Variants in KCNQ3 observed in about 807,000 individuals in gnomAD.
The protein encoded by KCNQ3 is potassium voltage-gated channel subfamily Q member 3.
Under a neutral mutation model 92.5 loss-of-function variants are expected in KCNQ3, and 30 were observed. That is an observed-to-expected ratio of 0.32 (90% CI 0.24 to 0.44). The LOEUF (loss-of-function observed/expected upper bound fraction) is 0.44, where lower values mean the gene tolerates loss of function less well. Among genes scored for constraint, KCNQ3 ranks in the 20% least tolerant of loss-of-function variants. The pLI is 1.00. For synonymous variants in KCNQ3, 450 were observed against 468.8 expected, an observed-to-expected ratio of 0.96 and a Z score of 0.52; for missense variants, 913 against 1,140.3, an observed-to-expected ratio of 0.80 and a Z score of 2.87.
At chr8:132,132,124 C>A in intron 14 of KCNQ3, 56 bp downstream of exon 14, 3 of 1,111,182 alleles carry the variant, frequency 2.7e-6, no homozygotes, top group Non-Finnish European at 4.1e-6. Flanking sequence ...AAAGAAATGG[C>A]ATTTGAAAAT....
At position 132,284,488 on chromosome 8, in the gene KCNQ3, A is replaced by ATT. The variant is rs5895136; in HGVS notation, c.387-98309_387-98308dup. On this transcript the variant is annotated intron_variant, in intron 1 of 14. Coordinates refer to ENST00000388996, the MANE Select transcript of KCNQ3 (RefSeq NM_004519.4). ...TCTGTCTGTTTGTGAAACTCTATAG[A>ATT]TTTTTTTTTTATCTACTCTTTGGAT... 2.5e-4 allele frequency among the ~76,000 whole-genome samples: 37 copies of ATT among 150,490 alleles called. 1 individual carries two copies. The highest frequency in any genetic ancestry group is 8.4e-4 in the South Asian group (4 of 4,750).
At chr8:132,404,949 A>G (rs1820438292) in intron 1 of KCNQ3, among the ~76,000 whole-genome samples, 1 of 152,198 alleles carries the variant, frequency 6.6e-6, no homozygotes, top group African/African-American at 2.4e-5. Context: ...GAAGACTCCC[A>G]AGTGACCCAC....
intron 1 of KCNQ3, among the ~76,000 whole-genome samples, chr8:132,435,863 C>G (rs1398735478): frequency 6.6e-6 from 1 of 152,166 alleles, no homozygotes; most frequent in African/African-American, 2.4e-5. Flanking sequence ...GGCTCTCAGC[C>G]TTTATTCACC....
At chr8:132,186,222 C>A in intron 1 of KCNQ3, 41 bp from the exon 2 acceptor site, 1 of 1,463,846 alleles carries the variant, frequency 6.8e-7, no homozygotes, top group South Asian at 1.1e-5. Flanking sequence ...ACCTTTGAGT[C>A]ATGGCTTGCT....
chr8:132,422,600 T>C (rs941530427), intron 1 of KCNQ3, among the ~76,000 whole-genome samples: 2 of 152,040 alleles, frequency 1.3e-5, no homozygotes, highest in Non-Finnish European at 2.9e-5. Flanking sequence ...CTCCAAGAAA[T>C]AAGTTCTCTT....
intron 1 of KCNQ3, among the ~76,000 whole-genome samples, chr8:132,442,742 G>A (rs1821570459): frequency 6.6e-6 from 1 of 152,162 alleles, no homozygotes; most frequent in Non-Finnish European, 1.5e-5. Context: ...ATCCAGGGCA[G>A]AAAAACCACT....
chr8:132,202,575 C>A (rs2130263127), intron 1 of KCNQ3, among the ~76,000 whole-genome samples: 1 of 152,330 alleles, frequency 6.6e-6, no homozygotes, highest in Non-Finnish European at 1.5e-5. Flanking sequence ...TGCCAGATAT[C>A]CTAGTTCATG....
chr8:132,435,667 G>A (rs1024936489), intron 1 of KCNQ3, among the ~76,000 whole-genome samples: 1 of 152,030 alleles, frequency 6.6e-6, no homozygotes, highest in Non-Finnish European at 1.5e-5. Context: ...AGCAAGCATA[G>A]ACCATTTTTT....
chr8:132,262,382 T>G (rs1204391031), intron 1 of KCNQ3, among the ~76,000 whole-genome samples: 1 of 152,206 alleles, frequency 6.6e-6, no homozygotes, highest in East Asian at 1.9e-4. Context: ...GTAAGGTATG[T>G]GAATTATATC....
intron 1 of KCNQ3, among the ~76,000 whole-genome samples, chr8:132,247,791 T>A (rs1163679174): frequency 7.6e-6 from 1 of 131,308 alleles, no homozygotes; most frequent in Admixed American, 7.8e-5. Context: ...AGAACAAAAC[T>A]CCCTCTTAAA....
intron 1 of KCNQ3, among the ~76,000 whole-genome samples, chr8:132,471,823 G>A (rs1294715240): frequency 6.6e-6 from 1 of 152,092 alleles, no homozygotes; most frequent in East Asian, 1.9e-4. Context: ...AATCAACAGA[G>A]TGAAGAGACA....
At chr8:132,237,386 C>A (rs978817637) in intron 1 of KCNQ3, among the ~76,000 whole-genome samples, 1 of 152,182 alleles carries the variant, frequency 6.6e-6, no homozygotes, top group Non-Finnish European at 1.5e-5. Context: ...CTCATACCAA[C>A]ATTTACAAGA....
At chr8:132,280,685 G>A (rs1368296853) in intron 1 of KCNQ3, among the ~76,000 whole-genome samples, 1 of 152,148 alleles carries the variant, frequency 6.6e-6, no homozygotes, top group African/African-American at 2.4e-5. Context: ...TGAGAGATGA[G>A]GGACAAAGGA....
intron 13 of KCNQ3, among the ~76,000 whole-genome samples, chr8:132,133,922 A>G (rs1261751886): frequency 6.6e-6 from 1 of 152,134 alleles, no homozygotes; most frequent in East Asian, 1.9e-4. Flanking sequence ...GTATCAATCA[A>G]CTCAAAGGTA....
intron 1 of KCNQ3, among the ~76,000 whole-genome samples, chr8:132,456,978 T>C (rs1420276777): frequency 6.6e-6 from 1 of 152,226 alleles, no homozygotes; most frequent in African/African-American, 2.4e-5. Flanking sequence ...CAATCCATTC[T>C]GCAGCCTCCT....
chr8:132,198,162 C>T (rs1218808965), intron 1 of KCNQ3, among the ~76,000 whole-genome samples: 4 of 152,130 alleles, frequency 2.6e-5, no homozygotes, highest in Non-Finnish European at 4.4e-5. Context: ...TAGAGAAGCC[C>T]GTGTAGTATA....
chr8:132,209,712 G>A (rs1211672648), intron 1 of KCNQ3, among the ~76,000 whole-genome samples: 1 of 152,132 alleles, frequency 6.6e-6, no homozygotes, highest in Non-Finnish European at 1.5e-5. Flanking sequence ...TACAAAGTAG[G>A]CTGTGTGTTA....
intron 1 of KCNQ3, among the ~76,000 whole-genome samples, chr8:132,301,919 A>G (rs73360818): frequency 0.013 from 1,974 of 152,310 alleles, 31 homozygotes; most frequent in African/African-American, 0.044. Context: ...TAAGCCCAGA[A>G]ATTATAATAG....
At chr8:132,389,345 T>C (rs1362001130) in intron 1 of KCNQ3, among the ~76,000 whole-genome samples, 1 of 152,130 alleles carries the variant, frequency 6.6e-6, no homozygotes, top group East Asian at 1.9e-4. Flanking sequence ...TAATCCCAGA[T>C]ACTTGGGAGG....
Sources: allele counts gnomAD v4.1 joint callset (sites outside exome capture counted in the v4.1 genomes callset), GRCh38; gene constraint gnomAD v4.1.1; transcripts MANE v1.5; gene names NCBI Gene and HGNC (gene_info 2026-07-23, HGNC 2026-07-21).